NRG3: variants seen among roughly 807,000 people sequenced by gnomAD.
The protein encoded by NRG3 is neuregulin 3, also known as pro-neuregulin-3, membrane-bound isoform.
NRG3 carries 31 observed loss-of-function variants against 66.9 expected under a neutral mutation model. The ratio of observed to expected loss-of-function variants is 0.46; its 90% confidence interval spans 0.35 to 0.63. The LOEUF is 0.63. NRG3 is among the 20% of genes least tolerant of loss of function. The pLI is 0.00. For missense variants in NRG3, 910 were observed against 878.9 expected (o/e 1.04, Z -0.45); for synonymous variants, 393 against 359.4 (o/e 1.09, Z -1.06).
At chr10:82,867,503 C>A (rs1840868329) in intron 4 of NRG3, among the ~76,000 whole-genome samples, 1 of 152,118 alleles carries the variant, frequency 6.6e-6, no homozygotes, top group Non-Finnish European at 1.5e-5. Context: ...ATGGCATAAA[C>A]TTTAAAGGAA....
intron 2 of NRG3, among the ~76,000 whole-genome samples, chr10:82,596,069 T>C (rs903335048): frequency 1.3e-5 from 2 of 152,208 alleles, no homozygotes; most frequent in African/African-American, 4.8e-5. Flanking sequence ...CAAATTATAC[T>C]TTTAAATGTA....
chr10:82,030,058 A>G (rs2062492215), intron 1 of NRG3, among the ~76,000 whole-genome samples: 1 of 152,138 alleles, frequency 6.6e-6, no homozygotes, highest in Non-Finnish European at 1.5e-5. Flanking sequence ...CAGGATTTAC[A>G]GTTACATTAA....
intron 1 of NRG3, among the ~76,000 whole-genome samples, chr10:82,021,671 C>T (rs1327253493): frequency 6.6e-6 from 1 of 151,882 alleles, no homozygotes; most frequent in African/African-American, 2.4e-5. Flanking sequence ...CTCTGATTGC[C>T]AAGCATTGAA....
intron 3 of NRG3, among the ~76,000 whole-genome samples, chr10:82,819,980 G>C (rs2061876440): frequency 6.6e-6 from 1 of 152,184 alleles, no homozygotes; most frequent in African/African-American, 2.4e-5. Flanking sequence ...ACACAGCACT[G>C]AACCTTGAAA....
chr10:82,620,410 G>A (rs1248120021), intron 2 of NRG3, among the ~76,000 whole-genome samples: 3 of 152,138 alleles, frequency 2.0e-5, no homozygotes, highest in African/African-American at 4.8e-5. Flanking sequence ...AGAGAGGGGA[G>A]CTGGAGAGGG....
chr10:82,078,159 T>C (rs1023697430), intron 1 of NRG3, among the ~76,000 whole-genome samples: 3 of 152,158 alleles, frequency 2.0e-5, no homozygotes, highest in Non-Finnish European at 4.4e-5. Flanking sequence ...CCTACTCTTG[T>C]TATGTAAGTG....
At chr10:82,984,925 C>A in intron 8 of NRG3, 173 bp from the exon 9 acceptor site, 1 of 1,238,036 alleles carries the variant, frequency 8.1e-7, no homozygotes, top group Non-Finnish European at 1.2e-6. Context: ...GTCACTTCAC[C>A]TATCTGAGCT....
At chr10:82,549,994 G>A (rs1446708901) in intron 2 of NRG3, among the ~76,000 whole-genome samples, 7 of 152,114 alleles carry the variant, frequency 4.6e-5, no homozygotes, top group Admixed American at 2.6e-4. Context: ...AATAAGGATT[G>A]TGTTGCTGGA....
At chr10:82,518,800 G>T (rs779310724) in intron 2 of NRG3, among the ~76,000 whole-genome samples, 5 of 152,122 alleles carry the variant, frequency 3.3e-5, no homozygotes, top group East Asian at 1.9e-4. Context: ...TTATCAGCAT[G>T]CTCACGTTCA....
intron 4 of NRG3, among the ~76,000 whole-genome samples, chr10:82,898,834 G>T (rs567576980): frequency 1.4e-5 from 2 of 141,688 alleles, no homozygotes; most frequent in Admixed American, 7.7e-5. Context: ...CCATTTTTCT[G>T]CCTCAGCCTC....
intron 1 of NRG3, among the ~76,000 whole-genome samples, chr10:82,064,459 A>G (rs762996539): frequency 6.6e-5 from 10 of 152,182 alleles, no homozygotes; most frequent in Admixed American, 5.2e-4. Context: ...TTGCTGAACA[A>G]ATATAAAGAA....
chr10:81,990,098 G>T (rs1044867040), intron 1 of NRG3, among the ~76,000 whole-genome samples: 1 of 152,142 alleles, frequency 6.6e-6, no homozygotes, highest in Non-Finnish European at 1.5e-5. Flanking sequence ...AGGTGTTTGC[G>T]ACAGAGTTTG....
intron 1 of NRG3, among the ~76,000 whole-genome samples, chr10:82,150,649 C>T (rs1462696760): frequency 6.6e-6 from 1 of 151,638 alleles, no homozygotes; most frequent in Non-Finnish European, 1.5e-5. Context: ...TTGTAAACTG[C>T]AAGAACGGAC....
intron 2 of NRG3, among the ~76,000 whole-genome samples, chr10:82,684,477 C>T (rs1042724613): frequency 6.6e-6 from 1 of 151,870 alleles, no homozygotes; most frequent in African/African-American, 2.4e-5. Flanking sequence ...CATTGAAAAC[C>T]AAATTTCAAA....
At chr10:82,087,892 A>G (rs761116584) in intron 1 of NRG3, among the ~76,000 whole-genome samples, 6 of 152,178 alleles carry the variant, frequency 3.9e-5, no homozygotes, top group Non-Finnish European at 7.3e-5. Flanking sequence ...GTTCAGAACT[A>G]GTTACAGTAT....
At chr10:82,921,662 G>T (rs924598052) in intron 4 of NRG3, among the ~76,000 whole-genome samples, 2 of 152,092 alleles carry the variant, frequency 1.3e-5, no homozygotes, top group Non-Finnish European at 2.9e-5. Flanking sequence ...TATTTCATCA[G>T]TTTACTTGTT....
chr10:81,951,788 T>C (rs1405883940), intron 1 of NRG3, among the ~76,000 whole-genome samples: 2 of 152,208 alleles, frequency 1.3e-5, no homozygotes, highest in Non-Finnish European at 2.9e-5. Context: ...ACCCAAAGGA[T>C]TATAAATCAT....
intron 2 of NRG3, among the ~76,000 whole-genome samples, chr10:82,551,000 T>C (rs2044273081): frequency 6.6e-6 from 1 of 152,102 alleles, no homozygotes; most frequent in Non-Finnish European, 1.5e-5. Flanking sequence ...AATTAAAGCT[T>C]GCATTTCCAA....
chr10:82,001,184 A>T (rs1220647205), intron 1 of NRG3, among the ~76,000 whole-genome samples: 1 of 145,074 alleles, frequency 6.9e-6, no homozygotes, highest in East Asian at 2.1e-4. Context: ...TTAAAAAAGG[A>T]AAGTGTAAGA....
Sources: allele counts gnomAD v4.1 joint callset (sites outside exome capture counted in the v4.1 genomes callset), GRCh38; gene constraint gnomAD v4.1.1; transcripts MANE v1.5; gene names NCBI Gene and HGNC (gene_info 2026-07-23, HGNC 2026-07-21).